The following DACH2 variants were observed in gnomAD, a reference collection of about 807,000 sequenced individuals.
DACH2 encodes dachshund homolog 2.
DACH2 carries 17 observed loss-of-function variants against 35.8 expected under a neutral mutation model. The observed-to-expected ratio is 0.48, with a 90% CI of 0.33 to 0.71. The LOEUF (loss-of-function observed/expected upper bound fraction) is 0.71, where lower values mean the gene tolerates loss of function less well. DACH2 is among the 30% of genes least tolerant of loss of function. The pLI, the probability that DACH2 is intolerant of heterozygous loss-of-function variation, is 0.02. For synonymous variants in DACH2, 195 were observed against 177.3 expected, an observed-to-expected ratio of 1.10 and a Z score of -0.79; for missense variants, 469 against 472.7, an observed-to-expected ratio of 0.99 and a Z score of 0.07.
intron 2 of DACH2, among the ~76,000 whole-genome samples, chrX:86,410,146 GAC>G (rs1160416593): frequency 8.9e-6 from 1 of 112,112 alleles, no homozygotes; most frequent in Non-Finnish European, 1.9e-5. Flanking sequence ...AATAGCAAAA[GAC>G]AGTCTTTCCA....
Position 86,321,919 on chromosome X carries a change from G to A in DACH2, c.489-54905G>A, listed in dbSNP as rs1428369751. On this transcript the variant is annotated intron_variant, in intron 1 of 11. Coordinates refer to ENST00000373125, the MANE Select transcript of DACH2 (RefSeq NM_053281.3). ...ACCCTAGTGGTGCCCCTTCCATCTGGCATTTCTTGTAGGAGTAGTATTGAA... is the reference window on the plus strand; with the variant it reads ...ACCCTAGTGGTGCCCCTTCCATCTGACATTTCTTGTAGGAGTAGTATTGAA... Among the ~76,000 whole-genome samples the A allele has an allele frequency of 2.7e-5, 3 of 111,500 alleles. No homozygotes were observed. The East Asian group carries it at 8.5e-4, about 31-fold the overall frequency.
At chrX:86,629,401 C>T (rs1485274748) in intron 3 of DACH2, among the ~76,000 whole-genome samples, 1 of 110,980 alleles carries the variant, frequency 9.0e-6, no homozygotes, top group Non-Finnish European at 1.9e-5. Flanking sequence ...CAGTAATACT[C>T]TATAAAAATG....
intron 2 of DACH2, 57 bp from the exon 3 acceptor site, chrX:86,514,222 T>C (rs2038434371): frequency 9.6e-7 from 1 of 1,037,670 alleles, no homozygotes; most frequent in Non-Finnish European, 1.3e-6. Flanking sequence ...CAAGTGATGG[T>C]TTTCTCAAAA....
intron 7 of DACH2, among the ~76,000 whole-genome samples, chrX:86,773,522 T>C (rs980165689): frequency 3.7e-4 from 42 of 112,351 alleles, no homozygotes; most frequent in African/African-American, 1.4e-3. Context: ...GTTCATTTCC[T>C]TCAAAGTATT....
At chrX:86,185,322 T>C (rs1387644813) in intron 1 of DACH2, among the ~76,000 whole-genome samples, 9 of 111,938 alleles carry the variant, frequency 8.0e-5, no homozygotes, top group African/African-American at 2.9e-4. Flanking sequence ...CTTCAGAATA[T>C]AGGGCAGCAA....
At position 86,607,186 on chromosome X, in the gene DACH2, C is replaced by G. The variant is rs969262771; in HGVS notation, c.641-43850C>G. Reference sequence around the variant, plus strand: ...TACTGTTTAGTCCATTTTCATCCAACATTATTATTGATAAGTGAGGACTTA... The same window carrying G: ...TACTGTTTAGTCCATTTTCATCCAAGATTATTATTGATAAGTGAGGACTTA... On this transcript the variant is annotated intron_variant, in intron 3 of 11. Coordinates refer to ENST00000373125, the MANE Select transcript of DACH2 (RefSeq NM_053281.3). 3.6e-5 allele frequency among the ~76,000 whole-genome samples: 4 copies of G among 111,530 alleles called. No homozygotes were observed. The East Asian group carries it at 1.1e-3, about 32-fold the overall frequency.
chrX:86,292,675 C>T lies in DACH2; in HGVS notation c.489-84149C>T, dbSNP rs775553863. ...AACATCTTTATTTCTGCCTTCATTT[C>T]GTTATGTACTCAGTAGTCATTCAGG... On this transcript the variant is annotated intron_variant, in intron 1 of 11. Transcript: ENST00000373125. 1.8e-4 allele frequency among the ~76,000 whole-genome samples: 20 copies of T among 111,314 alleles called. No homozygotes were observed. In the East Asian group the frequency reaches 4.8e-3, roughly 27 times the overall value.
chrX:86,157,188 G>A (rs989668084), intron 1 of DACH2, among the ~76,000 whole-genome samples: 2 of 111,183 alleles, frequency 1.8e-5, no homozygotes, highest in Admixed American at 9.6e-5. Flanking sequence ...TATTTTTATT[G>A]CTATATAATA....
At chrX:86,811,380 A>G (rs896432831) in intron 7 of DACH2, among the ~76,000 whole-genome samples, 2 of 111,643 alleles carry the variant, frequency 1.8e-5, no homozygotes, top group Non-Finnish European at 3.8e-5. Flanking sequence ...GCTGCTTGCA[A>G]TAGGAAAATG....
intron 3 of DACH2, among the ~76,000 whole-genome samples, chrX:86,617,996 C>A (rs1402147849): frequency 8.9e-6 from 1 of 112,278 alleles, no homozygotes; most frequent in Non-Finnish European, 1.9e-5. Flanking sequence ...AAACTATCAG[C>A]TGAGCATACT....
intron 2 of DACH2, among the ~76,000 whole-genome samples, chrX:86,469,483 CAA>C (rs1049542397): frequency 2.0e-4 from 22 of 110,764 alleles, no homozygotes; most frequent in African/African-American, 6.5e-4. Flanking sequence ...TCAAATTCTA[CAA>C]GAGTCCAACA....
chrX:86,704,253 A>T (rs1450836145), intron 5 of DACH2, among the ~76,000 whole-genome samples: 1 of 111,590 alleles, frequency 9.0e-6, no homozygotes, highest in Non-Finnish European at 1.9e-5. Context: ...GTGTAGAAGA[A>T]TGAAACTAGA....
intron 3 of DACH2, among the ~76,000 whole-genome samples, chrX:86,568,134 G>A (rs2039316359): frequency 9.0e-6 from 1 of 111,382 alleles, no homozygotes; most frequent in South Asian, 3.7e-4. Flanking sequence ...AAAGAGTTTG[G>A]AGGGAATGAG....
At chrX:86,160,796 T>A in intron 1 of DACH2, 1 of 475,384 alleles carries the variant, frequency 2.1e-6, no homozygotes, top group Non-Finnish European at 3.8e-6. Flanking sequence ...TTATTTCAGT[T>A]GTAACATCGA....
intron 1 of DACH2, among the ~76,000 whole-genome samples, chrX:86,357,700 C>T (rs1192303443): frequency 8.9e-6 from 1 of 112,138 alleles, no homozygotes; most frequent in African/African-American, 3.2e-5. Context: ...TACATATATG[C>T]TTTCCAACTC....
chrX:86,184,264 G>A (rs756955582), intron 1 of DACH2: 30 of 162,432 alleles, frequency 1.8e-4, no homozygotes, highest in Admixed American at 3.4e-4. Context: ...CTGCAGTGCA[G>A]TGGTGTGATC....
intron 3 of DACH2, among the ~76,000 whole-genome samples, chrX:86,585,842 T>A (rs2039563396): frequency 9.0e-6 from 1 of 111,656 alleles, no homozygotes; most frequent in Non-Finnish European, 1.9e-5. Flanking sequence ...ATTGCATATC[T>A]TTGCTATTGT....
intron 3 of DACH2, among the ~76,000 whole-genome samples, chrX:86,646,348 A>C (rs975436072): frequency 1.8e-5 from 2 of 110,596 alleles, no homozygotes; most frequent in African/African-American, 6.6e-5. Flanking sequence ...GTACAATACA[A>C]ACTGTTCGGA....
chrX:86,220,924 G>A (rs2147923467), intron 1 of DACH2, among the ~76,000 whole-genome samples: 1 of 111,959 alleles, frequency 8.9e-6, no homozygotes, highest in South Asian at 3.7e-4. Context: ...GGTGTGAGGT[G>A]ATATCTAATT....
Sources: gnomAD v4.1 joint callset for allele counts (sites outside exome capture counted in the v4.1 genomes callset) on GRCh38, gnomAD v4.1.1 for gene constraint, MANE v1.5 for transcripts, NCBI Gene and HGNC (gene_info 2026-07-23, HGNC 2026-07-21) for gene names.